CDH2: variants seen among roughly 807,000 people sequenced by gnomAD.
CDH2 encodes cadherin-2.
CDH2 carries 17 observed loss-of-function variants against 92.0 expected under a neutral mutation model. That is an observed-to-expected ratio of 0.18 (90% confidence interval 0.13 to 0.28). CDH2 has a LOEUF of 0.28. Ranked by LOEUF, CDH2 falls within the 10% of genes least tolerant of loss-of-function variation. The probability of loss-of-function intolerance (pLI) is 1.00; values close to 1 mark genes in which losing one functional copy is unlikely to be tolerated. For missense variants in CDH2, 862 were observed against 1,133.1 expected, an observed-to-expected ratio of 0.76 and a Z score of 3.44; for synonymous variants, 419 against 415.9, an observed-to-expected ratio of 1.01 and a Z score of -0.09.
chr18:28,153,926 C>T (rs1280276211), intron 1 of CDH2, among the ~76,000 whole-genome samples: 1 of 152,156 alleles, frequency 6.6e-6, no homozygotes, highest in Non-Finnish European at 1.5e-5. Flanking sequence ...CAATCTGGGA[C>T]ATTTGTTTAA....
At chr18:28,120,837 T>C (rs2015575846) in intron 2 of CDH2, among the ~76,000 whole-genome samples, 1 of 152,108 alleles carries the variant, frequency 6.6e-6, no homozygotes, top group South Asian at 2.1e-4. Context: ...TATTAAGTTG[T>C]TTGTTGTTGT....
intron 2 of CDH2, among the ~76,000 whole-genome samples, chr18:28,101,597 T>C (rs957264194): frequency 1.3e-5 from 2 of 152,156 alleles, no homozygotes; most frequent in Non-Finnish European, 2.9e-5. Flanking sequence ...GCTTATTTCA[T>C]ACCTATGTGC....
At chr18:28,063,680 T>C (rs777004996) in intron 2 of CDH2, among the ~76,000 whole-genome samples, 1 of 152,202 alleles carries the variant, frequency 6.6e-6, no homozygotes, top group Non-Finnish European at 1.5e-5. Context: ...TTGAACCCGG[T>C]AATGATCTAC....
chr18:27,987,707 C>A (rs2012280796), intron 11 of CDH2, among the ~76,000 whole-genome samples: 1 of 152,128 alleles, frequency 6.6e-6, no homozygotes, highest in Non-Finnish European at 1.5e-5. Flanking sequence ...GTTTCAAATG[C>A]TTCATATATA....
At chr18:27,993,272 C>A (rs992368310) in intron 8 of CDH2, among the ~76,000 whole-genome samples, 5 of 152,146 alleles carry the variant, frequency 3.3e-5, no homozygotes, top group African/African-American at 9.7e-5. Flanking sequence ...ACGTGTTTTC[C>A]AGGCAGCTTA....
intron 15 of CDH2, among the ~76,000 whole-genome samples, chr18:27,961,373 CTGGT>C (rs2011399711): frequency 6.6e-6 from 1 of 151,950 alleles, no homozygotes. Context: ...TACACCCCAG[CTGGT>C]GAGGGCTATG....
chr18:28,045,550 G>C, intron 2 of CDH2: 1 of 401,688 alleles, frequency 2.5e-6, no homozygotes, highest in Non-Finnish European at 5.0e-6. Context: ...ACTGTTTCAG[G>C]CTTCTGCCTT....
intron 14 of CDH2, among the ~76,000 whole-genome samples, chr18:27,972,736 G>A (rs747780599): frequency 1.3e-5 from 2 of 152,176 alleles, no homozygotes; most frequent in Admixed American, 6.5e-5. Flanking sequence ...TATGAGTGTT[G>A]CCAGGTGCCA....
intron 2 of CDH2, among the ~76,000 whole-genome samples, chr18:28,144,110 C>A (rs1488109764): frequency 6.6e-6 from 1 of 151,404 alleles, no homozygotes; most frequent in Admixed American, 6.6e-5. Context: ...CACATGTATA[C>A]TTATGTAACA....
chr18:28,026,914 C>T (rs929471032), intron 2 of CDH2, among the ~76,000 whole-genome samples: 4 of 152,048 alleles, frequency 2.6e-5, no homozygotes, highest in Non-Finnish European at 5.9e-5. Flanking sequence ...TTAAGCATGA[C>T]GACATGTTCA....
chr18:27,935,271 C>T (rs1308488333), intron 6 of CDH2, among the ~76,000 whole-genome samples: 2 of 152,134 alleles, frequency 1.3e-5, no homozygotes, highest in East Asian at 3.9e-4. Context: ...GGGGAGGCCT[C>T]AGGAAACTTC....
At chr18:28,090,344 T>C (rs1397350070) in intron 2 of CDH2, among the ~76,000 whole-genome samples, 1 of 152,190 alleles carries the variant, frequency 6.6e-6, no homozygotes, top group Non-Finnish European at 1.5e-5. Context: ...TATGGATTTG[T>C]GTATTGGACA....
At chr18:28,132,075 A>G (rs939144780) in intron 2 of CDH2, among the ~76,000 whole-genome samples, 7 of 152,168 alleles carry the variant, frequency 4.6e-5, no homozygotes, top group African/African-American at 1.7e-4. Context: ...CCCTTGTTCA[A>G]AAAGAAACAC....
intron 2 of CDH2, among the ~76,000 whole-genome samples, chr18:28,037,121 T>C (rs2013848588): frequency 6.6e-6 from 1 of 152,196 alleles, no homozygotes; most frequent in African/African-American, 2.4e-5. Context: ...TTTCATATCC[T>C]AAATTGGGTA....
In CDH2 at chr18:28,144,606, T is replaced by C. The variant is rs777664234; in HGVS notation, c.172+3067A>G. ...CAAAGATCTCTAAAAAGAATCTCCA[T>C]AGCAGCACTACATATAAGAGAGGAA... On this transcript the variant is annotated intron_variant, in intron 2 of 15. Transcript: ENST00000269141. Among the ~76,000 whole-genome samples, 85 of 152,004 alleles carry C rather than the reference T, an allele frequency of 5.6e-4. 1 individual carries two copies. Among genetic ancestry groups the C allele is most frequent in the Non-Finnish European group, 1.1e-3 (75 of 67,962 alleles).
At chr18:27,960,203 G>A (rs530226300) in intron 15 of CDH2, among the ~76,000 whole-genome samples, 2 of 152,196 alleles carry the variant, frequency 1.3e-5, no homozygotes, top group African/African-American at 4.8e-5. Context: ...TCAGGGGGAG[G>A]CAGGATGGAA....
intron 2 of CDH2, among the ~76,000 whole-genome samples, chr18:28,086,933 C>G (rs1470311906): frequency 6.6e-6 from 1 of 152,142 alleles, no homozygotes; most frequent in Non-Finnish European, 1.5e-5. Flanking sequence ...TTTTATAACA[C>G]AATGCTCTCA....
chr18:28,124,958 C>T (rs1032232354), intron 2 of CDH2, among the ~76,000 whole-genome samples: 2 of 152,194 alleles, frequency 1.3e-5, no homozygotes, highest in African/African-American at 4.8e-5. Flanking sequence ...ATTTTTTAAA[C>T]TGTGTGGGAT....
intron 5 of CDH2, among the ~76,000 whole-genome samples, chr18:28,007,165 A>AAAAAAAAAAAT (rs1172779200): frequency 1.8e-5 from 2 of 110,498 alleles, no homozygotes; most frequent in African/African-American, 8.9e-5. Flanking sequence ...ATAAAAAAAA[A>AAAAAAAAAAAT]ATATATATAT....
Sources: allele counts gnomAD v4.1 joint callset (sites outside exome capture counted in the v4.1 genomes callset), GRCh38; gene constraint gnomAD v4.1.1; transcripts MANE v1.5; gene names NCBI Gene and HGNC (gene_info 2026-07-23, HGNC 2026-07-21).